ARHGEF3: variants seen among roughly 807,000 people sequenced by gnomAD.
ARHGEF3 encodes the protein Rho guanine nucleotide exchange factor 3.
Under a neutral mutation model 63.2 loss-of-function variants are expected in ARHGEF3, and 28 were observed. The observed-to-expected ratio is 0.44, with a 90% CI of 0.33 to 0.61. The LOEUF is 0.61. Among genes scored for constraint, ARHGEF3 ranks in the 20% least tolerant of loss-of-function variants. ARHGEF3 has a pLI of 0.03. For missense variants in ARHGEF3, 533 were observed against 659.3 expected (o/e 0.81, Z 2.10); for synonymous variants, 266 against 254.2 (o/e 1.05, Z -0.44).
intron 2 of ARHGEF3, among the ~76,000 whole-genome samples, chr3:56,974,718 G>A (rs558488716): frequency 2.6e-5 from 4 of 152,060 alleles, no homozygotes; most frequent in Admixed American, 2.6e-4. Flanking sequence ...AATGGCAAAG[G>A]CTTCATTACA....
chr3:56,827,889 GAGCC>G (rs2038788357), intron 4 of ARHGEF3, among the ~76,000 whole-genome samples: 1 of 125,816 alleles, frequency 7.9e-6, no homozygotes, highest in African/African-American at 3.0e-5. Flanking sequence ...AGGCTGCACT[GAGCC>G]ATGATCATGC....
intron 4 of ARHGEF3, among the ~76,000 whole-genome samples, chr3:56,822,316 C>G (rs1233397694): frequency 6.6e-6 from 1 of 152,132 alleles, no homozygotes; most frequent in African/African-American, 2.4e-5. Flanking sequence ...GCTCCAGGGC[C>G]CACACTTTCC....
At chr3:57,001,232 G>GC (rs1702180119) in intron 2 of ARHGEF3, among the ~76,000 whole-genome samples, 1 of 152,198 alleles carries the variant, frequency 6.6e-6, no homozygotes, top group Non-Finnish European at 1.5e-5. Flanking sequence ...GAGCCACTGT[G>GC]CCAGGTCCTT....
chr3:56,783,087 G>T (rs1306454315), intron 1 of ARHGEF3, among the ~76,000 whole-genome samples: 1 of 152,142 alleles, frequency 6.6e-6, no homozygotes, highest in African/African-American at 2.4e-5. Flanking sequence ...AAGGAGGACA[G>T]TTGGCAGTTG....
At chr3:56,856,886 G>A (rs1378110712) in intron 4 of ARHGEF3, among the ~76,000 whole-genome samples, 1 of 151,838 alleles carries the variant, frequency 6.6e-6, no homozygotes. Context: ...TCTAAGCAAT[G>A]TTATTTCTTT....
chr3:56,911,553 C>T (rs570927365), intron 3 of ARHGEF3, among the ~76,000 whole-genome samples: 1 of 152,202 alleles, frequency 6.6e-6, no homozygotes, highest in East Asian at 1.9e-4. Context: ...ACCTTGCCCG[C>T]TCCGAGTCAC....
At chr3:56,938,417 C>T (rs1257296803) in intron 3 of ARHGEF3, among the ~76,000 whole-genome samples, 4 of 151,898 alleles carry the variant, frequency 2.6e-5, no homozygotes, top group South Asian at 2.1e-4. Context: ...TATTCATCTT[C>T]GATAATAGAA....
intron 2 of ARHGEF3, among the ~76,000 whole-genome samples, chr3:56,967,064 T>C (rs1051362983): frequency 4.0e-5 from 6 of 149,046 alleles, no homozygotes; most frequent in Non-Finnish European, 8.9e-5. Flanking sequence ...GATTTCTCCA[T>C]GTTGGTCAGG....
chr3:56,953,412 C>T (rs1699901429), intron 3 of ARHGEF3, among the ~76,000 whole-genome samples: 1 of 152,232 alleles, frequency 6.6e-6, no homozygotes, highest in Non-Finnish European at 1.5e-5. Context: ...GGTTCTAGTC[C>T]TGATCTCTCC....
At chr3:57,005,667 G>A (rs577064315) in intron 2 of ARHGEF3, among the ~76,000 whole-genome samples, 12 of 152,314 alleles carry the variant, frequency 7.9e-5, no homozygotes, top group African/African-American at 2.4e-4. Flanking sequence ...CATGTCTGGC[G>A]CTGAGGGTCA....
chr3:57,004,510 C>A (rs1702395335), intron 2 of ARHGEF3, among the ~76,000 whole-genome samples: 1 of 152,206 alleles, frequency 6.6e-6, no homozygotes, highest in African/African-American at 2.4e-5. Flanking sequence ...AGGCCAGGCA[C>A]ATAAGCAGAT....
At chr3:56,917,471 C>T (rs755599985) in intron 3 of ARHGEF3, among the ~76,000 whole-genome samples, 1 of 152,108 alleles carries the variant, frequency 6.6e-6, no homozygotes, top group Non-Finnish European at 1.5e-5. Context: ...GTCTGGGGAC[C>T]CAGCAAAGAC....
intron 1 of ARHGEF3, among the ~76,000 whole-genome samples, chr3:56,795,777 G>A (rs1282023311): frequency 6.6e-6 from 1 of 151,578 alleles, no homozygotes; most frequent in African/African-American, 2.4e-5. Context: ...GAGTAGCTTG[G>A]ATTACAGGTG....
At chr3:57,020,466 A>T (rs996358708) in intron 2 of ARHGEF3, among the ~76,000 whole-genome samples, 1 of 152,072 alleles carries the variant, frequency 6.6e-6, no homozygotes, top group Non-Finnish European at 1.5e-5. Context: ...CTCTCCATCC[A>T]TGGGTTCAGA....
rs991186171 is a variant in ARHGEF3 at position 56,919,428 on chromosome 3, G to A, written c.130-37074C>T. 3.3e-5 allele frequency among the ~76,000 whole-genome samples: 5 copies of A among 152,038 alleles called. No homozygotes were observed. The East Asian group carries it at 5.8e-4, about 18-fold the overall frequency. ...GAATGATAACATTGTTCTACCACTTGCTTCTTTTTTCATTTAACATCCAGG... is the reference window on the plus strand; with the variant it reads ...GAATGATAACATTGTTCTACCACTTACTTCTTTTTTCATTTAACATCCAGG... On this transcript the variant is annotated intron_variant, in intron 3 of 12. Transcript: ENST00000338458.
intron 3 of ARHGEF3, among the ~76,000 whole-genome samples, chr3:56,955,181 CTTTTTTTTTT>C (rs56851084): frequency 4.9e-5 from 7 of 143,214 alleles, no homozygotes. Flanking sequence ...GATCCTTTTT[CTTTTTTTTTT>C]TTTTCTTTTC....
chr3:56,792,649 A>G (rs2037144743), intron 1 of ARHGEF3, among the ~76,000 whole-genome samples: 1 of 152,246 alleles, frequency 6.6e-6, no homozygotes, highest in African/African-American at 2.4e-5. Context: ...AAAGTGCCTA[A>G]AACTGTAAAA....
chr3:56,757,085 G>T (rs2035119541), intron 2 of ARHGEF3, among the ~76,000 whole-genome samples: 1 of 152,176 alleles, frequency 6.6e-6, no homozygotes, highest in African/African-American at 2.4e-5. Flanking sequence ...GGCATTCTAA[G>T]GTAGTTCCCA....
At chr3:56,744,397 CTTTTT>C (rs34368516) in intron 7 of ARHGEF3, among the ~76,000 whole-genome samples, 2 of 124,488 alleles carry the variant, frequency 1.6e-5, no homozygotes, top group Admixed American at 8.1e-5. Flanking sequence ...CTCAATAAAC[CTTTTT>C]TTTTTTTTTT....
Sources: gnomAD v4.1 joint callset for allele counts (sites outside exome capture counted in the v4.1 genomes callset) on GRCh38, gnomAD v4.1.1 for gene constraint, MANE v1.5 for transcripts, NCBI Gene and HGNC (gene_info 2026-07-23, HGNC 2026-07-21) for gene names.